The following NOL11 variants were observed in gnomAD, a reference collection of about 807,000 sequenced individuals.
NOL11 encodes the protein nucleolar protein 11.
Under a neutral mutation model 93.0 loss-of-function variants are expected in NOL11, and 42 were observed. The ratio of observed to expected loss-of-function variants is 0.45; its 90% CI spans 0.35 to 0.58. The LOEUF (loss-of-function observed/expected upper bound fraction) is 0.58. Among genes scored for constraint, NOL11 ranks in the 20% least tolerant of loss-of-function variants. The pLI, the probability that NOL11 is intolerant of heterozygous loss-of-function variation, is 0.00. For synonymous variants in NOL11, 296 were observed against 293.7 expected, an observed-to-expected ratio of 1.01 and a Z score of -0.08; for missense variants, 775 against 841.8, an observed-to-expected ratio of 0.92 and a Z score of 0.98.
chr17:67,743,662 G>A, intron 17 of NOL11, 76 bp downstream of exon 17: 3 of 1,247,002 alleles, frequency 2.4e-6, no homozygotes, highest in South Asian at 1.4e-5. Flanking sequence ...CTTAAAATTT[G>A]TCCTTAAATA....
chr17:67,738,423 C>G, intron 14 of NOL11, 68 bp downstream of exon 14: 1 of 927,308 alleles, frequency 1.1e-6, no homozygotes, highest in Non-Finnish European at 1.7e-6. Context: ...AAGCAGTAAC[C>G]AAGGAGTAAC....
chr17:67,737,062 T>C lies in NOL11; in HGVS notation c.1144-9T>C. The stretch of plus-strand genomic sequence containing the variant: ...GTTTTGTGATCCTAATCAATTTACT[T>C]AATTCCAGTTAAGGAGACGAAAAAT... On this transcript the variant is annotated splice_polypyrimidine_tract_variant and intron_variant, in intron 10 of 17. Transcript: ENST00000253247. The C allele has an allele frequency of 6.4e-7, 1 of 1,573,428 alleles. No individual in the cohort carries two copies. Among genetic ancestry groups the C allele is most frequent in the African/African-American group, 1.3e-5 (1 of 74,234 alleles).
At chr17:67,736,441 C>T (rs1295672411) in intron 9 of NOL11, 1 of 506,010 alleles carries the variant, frequency 2.0e-6, no homozygotes, top group East Asian at 3.2e-5. Flanking sequence ...AATACCTCTG[C>T]CCTCCCTTGT....
rs533790489 is a variant in NOL11, at chr17:67,728,580, A to G, written c.853+1932A>G. Among the ~76,000 whole-genome samples, 12 of 152,140 alleles carry G rather than the reference A, an allele frequency of 7.9e-5. No individual in the cohort carries two copies. In the South Asian group the frequency reaches 2.3e-3, roughly 29 times the overall value. ...TATTTCTGCTCTACCTCCCTGCCAA[A>G]AAAACCCGGTGGCTACTATAGAGTT... On this transcript the variant is annotated intron_variant, in intron 7 of 17. Transcript: ENST00000253247.
chr17:67,719,498 A>C, intron 1 of NOL11, 176 bp from the exon 2 acceptor site: 1 of 434,774 alleles, frequency 2.3e-6, no homozygotes, highest in South Asian at 2.8e-5. Context: ...TGACCTCGTG[A>C]TTTGCCCACC....
intron 7 of NOL11, among the ~76,000 whole-genome samples, chr17:67,729,344 C>T (rs1018694119): frequency 3.9e-5 from 6 of 151,988 alleles, no homozygotes; most frequent in Non-Finnish European, 7.4e-5. Context: ...GTCTTGAACT[C>T]GTGACCTCAA....
At chr17:67,726,727 C>T in intron 7 of NOL11, 79 bp downstream of exon 7, 2 of 1,127,030 alleles carry the variant, frequency 1.8e-6, no homozygotes, top group East Asian at 5.5e-5. Flanking sequence ...TTTTCTTTTT[C>T]ATTTCGTTAT....
chr17:67,726,636 G>C lies in NOL11; in HGVS notation c.841G>C (p.Ala281Pro), dbSNP rs750492735. ...CGTCGCAGTCCTAGGAAGTCCACTA[G>C]CAGCTTCTAAGGGTAACTGACATCC... ...DHVAVLGSPL[A>P]ASKECLSVWN... is the part of the protein sequence containing the mutation. The change falls in exon 7 of 18, where the codon GCA becomes CCA. Residue 281 changes from alanine (A) to proline (P), a missense_variant. Coordinates refer to ENST00000253247, the MANE Select transcript of NOL11 (RefSeq NM_015462.5). The C allele has an allele frequency of 4.4e-6, 7 of 1,601,974 alleles. No individual in the cohort carries two copies. The highest frequency in any genetic ancestry group is 1.3e-5 in the African/African-American group (1 of 74,250).
intron 7 of NOL11, among the ~76,000 whole-genome samples, chr17:67,729,888 A>G (rs183877183): frequency 1.3e-5 from 2 of 152,090 alleles, no homozygotes; most frequent in Admixed American, 6.5e-5. Context: ...CCATCATACA[A>G]TACTTTTTGT....
intron 16 of NOL11, among the ~76,000 whole-genome samples, chr17:67,742,823 A>C (rs58511519): frequency 8.3e-4 from 126 of 152,322 alleles, no homozygotes; most frequent in African/African-American, 2.9e-3. Flanking sequence ...GTTTATGGCA[A>C]CTCATCTATA....
intron 16 of NOL11, 95 bp from the exon 17 acceptor site, chr17:67,743,384 A>C: frequency 2.0e-6 from 1 of 501,572 alleles, no homozygotes; most frequent in East Asian, 3.1e-5. Flanking sequence ...ATAAAGACTT[A>C]TTTTTCTCAT....
At position 67,719,935 on chromosome 17, in the gene NOL11, A is replaced by G; in HGVS notation, c.285A>G (p.Val95=). The change falls in exon 3 of 18, where the codon GTA becomes GTG. Residue 95 remains valine (V), a synonymous_variant. Transcript: ENST00000253247. ...TAAGAATATGGAATAATGAAGATGT[A>G]AACCTGGATAAAGTATTTAAAGCTA... The part of the protein sequence containing the change: ...KVLRIWNNED[V]NLDKVFKATL... 1.3e-6 allele frequency: 2 copies of G among 1,573,302 alleles called. No individual in the cohort carries two copies. Among genetic ancestry groups the G allele is most frequent in the South Asian group, 2.3e-5 (2 of 85,802 alleles).
At chr17:67,738,752 T>C in intron 14 of NOL11, 180 bp from the exon 15 acceptor site, 1 of 553,276 alleles carries the variant, frequency 1.8e-6, no homozygotes, top group Non-Finnish European at 3.2e-6. Flanking sequence ...TCTGAATAAA[T>C]ACCAATTAAA....
chr17:67,737,613 G>A lies in NOL11; in HGVS notation c.1324G>A (p.Glu442Lys), dbSNP rs1239147562. The change falls in exon 12 of 18, where the codon GAA becomes AAA. Residue 442 changes from glutamate (E) to lysine (K), a missense_variant. Around this residue, in one of 2 missense-constraint regions of NOL11, gnomAD observed 416 missense variants for 525.2 expected, o/e 0.79. Transcript: ENST00000253247. ...VIGDTVTGLL[E>K]RCKAEPSFYP... ...TGGGGACACAGTAACAGGACTTCTG[G>A]AAAGGTGTAAAGCAGAACCATCATT... The A allele has an allele frequency of 6.2e-7, 1 of 1,614,028 alleles. No homozygotes were observed. Among genetic ancestry groups the A allele is most frequent in the East Asian group, 2.2e-5 (1 of 44,888 alleles).
intron 16 of NOL11, among the ~76,000 whole-genome samples, chr17:67,741,016 C>A (rs1268673144): frequency 6.6e-6 from 1 of 152,180 alleles, no homozygotes; most frequent in Non-Finnish European, 1.5e-5. Flanking sequence ...CCCCACTTAC[C>A]CTCCCAAGTA....
intron 7 of NOL11, among the ~76,000 whole-genome samples, chr17:67,727,868 C>T (rs1158664723): frequency 6.9e-6 from 1 of 145,612 alleles, no homozygotes; most frequent in Non-Finnish European, 1.5e-5. Flanking sequence ...TTGCAGTGAG[C>T]CGAGATTGCA....
chr17:67,731,602 T>C (rs553373351), intron 7 of NOL11, among the ~76,000 whole-genome samples: 3 of 152,372 alleles, frequency 2.0e-5, no homozygotes, highest in African/African-American at 4.8e-5. Flanking sequence ...CAAGAACCCA[T>C]GGCCAAATCC....
rs1382205034 is a variant in NOL11 at position 67,731,404 on chromosome 17, C to A, written c.854-2959C>A. 8.2e-5 allele frequency among the ~76,000 whole-genome samples: 2 copies of A among 24,432 alleles called. 1 individual carries two copies. Among genetic ancestry groups the A allele is most frequent in the African/African-American group, 2.3e-4 (2 of 8,794 alleles). 16.0% of individuals were successfully genotyped at this position (24,432 alleles called of 152,430 possible). A position where few individuals can be genotyped will look rare whatever the true frequency, so the allele number is the denominator to read the frequency against. On this transcript the variant is annotated intron_variant, in intron 7 of 17. Coordinates refer to ENST00000253247, the MANE Select transcript of NOL11 (RefSeq NM_015462.5). The stretch of plus-strand genomic sequence containing the variant: ...TCAGCCTCCCGAGTAGCTGGGACTA[C>A]AGGCGCCCGCCGCTGCGCCCGGCTA...
In NOL11 at chr17:67,721,423, C is replaced by T. The variant is rs774578419; in HGVS notation, c.358C>T (p.Pro120Ser). Reference protein sequence around the residue: ...YRILSVQGTEPLVLFKEGAVR... With the variant: ...YRILSVQGTESLVLFKEGAVR... ...GATACTTTCAGTGCAAGGGACAGAA[C>T]CCTTGGTGCTCTTCAAGGAAGGTGC... The change falls in exon 4 of 18, where the codon CCC becomes TCC. Residue 120 changes from proline (P) to serine (S), a missense_variant. This residue lies in a region of NOL11 where 359 missense variants were observed against 316.5 expected (regional missense o/e 1.13). Coordinates refer to ENST00000253247, the MANE Select transcript of NOL11 (RefSeq NM_015462.5). 5.6e-6 allele frequency: 9 copies of T among 1,613,432 alleles called. No homozygotes were observed. In the South Asian group the frequency reaches 8.8e-5, roughly 16 times the overall value.
Sources: gnomAD v4.1 joint callset for allele counts (sites outside exome capture counted in the v4.1 genomes callset) on GRCh38, gnomAD v4.1.1 for gene constraint, gnomAD v4.1.1 regional missense constraint, MANE v1.5 for transcripts, NCBI Gene and HGNC (gene_info 2026-07-23, HGNC 2026-07-21) for gene names.